LUZP2: variants seen among roughly 807,000 people sequenced by gnomAD.
LUZP2 encodes leucine zipper protein 2.
In LUZP2, 52 loss-of-function variants were observed where a neutral mutation model predicts 51.6. That is an observed-to-expected ratio of 1.01 (90% CI 0.81 to 1.27). The LOEUF is 1.27. Ranked by LOEUF, LUZP2 falls within the 50% of genes most tolerant of loss-of-function variation. LUZP2 has a pLI of 0.00. For missense variants in LUZP2, 436 were observed against 395.4 expected, an observed-to-expected ratio of 1.10 and a Z score of -0.87; for synonymous variants, 154 against 137.3, an observed-to-expected ratio of 1.12 and a Z score of -0.85.
intron 9 of LUZP2, among the ~76,000 whole-genome samples, chr11:24,990,871 C>A (rs1383618478): frequency 6.6e-6 from 1 of 151,974 alleles, no homozygotes; most frequent in Non-Finnish European, 1.5e-5. Context: ...TGAACTTCTA[C>A]CCCCCTTTCA....
At chr11:24,982,857 G>A (rs1265566788) in intron 8 of LUZP2, among the ~76,000 whole-genome samples, 1 of 151,754 alleles carries the variant, frequency 6.6e-6, no homozygotes, top group African/African-American at 2.4e-5. Flanking sequence ...AACTATCATG[G>A]TGGAAATCAT....
chr11:24,976,971 C>G (rs117581276), intron 8 of LUZP2, among the ~76,000 whole-genome samples: 1,924 of 151,786 alleles, frequency 0.013, 19 homozygotes, highest in Non-Finnish European at 0.018. Context: ...AAAGCATCAA[C>G]TAAGGCACTA....
chr11:24,700,211 A>ACCAC (rs1185656238), intron 1 of LUZP2, among the ~76,000 whole-genome samples: 1 of 151,858 alleles, frequency 6.6e-6, no homozygotes, highest in Non-Finnish European at 1.5e-5. Context: ...ACAGGCACAA[A>ACCAC]CCACCATTCC....
At chr11:24,729,741 T>C (rs1017298853) in intron 2 of LUZP2, among the ~76,000 whole-genome samples, 1 of 151,886 alleles carries the variant, frequency 6.6e-6, no homozygotes, top group Non-Finnish European at 1.5e-5. Context: ...CATACTGAAA[T>C]CTTTAAAAAA....
At chr11:24,717,409 G>GTT (rs869281553) in intron 1 of LUZP2, among the ~76,000 whole-genome samples, 85 of 134,614 alleles carry the variant, frequency 6.3e-4, no homozygotes, top group South Asian at 9.6e-4. Flanking sequence ...GAACCCAATA[G>GTT]TTTTTTTTTT....
At chr11:25,026,920 T>C (rs1206758605) in intron 9 of LUZP2, among the ~76,000 whole-genome samples, 6 of 151,554 alleles carry the variant, frequency 4.0e-5, no homozygotes, top group Non-Finnish European at 7.4e-5. Flanking sequence ...ACTTTAAGTT[T>C]TAAACCAGTA....
intron 5 of LUZP2, among the ~76,000 whole-genome samples, chr11:24,773,081 GTTTT>G (rs3078931): frequency 2.7e-5 from 4 of 145,594 alleles, no homozygotes; most frequent in African/African-American, 1.0e-4. Flanking sequence ...AAACAGTGTA[GTTTT>G]TTTTTTTTTT....
At chr11:24,963,016 C>G (rs1855463776) in intron 7 of LUZP2, among the ~76,000 whole-genome samples, 1 of 152,200 alleles carries the variant, frequency 6.6e-6, no homozygotes, top group Admixed American at 6.5e-5. Context: ...TTGGAGTTTG[C>G]TAGAGGTCCA....
intron 1 of LUZP2, among the ~76,000 whole-genome samples, chr11:24,532,827 T>C (rs1851052220): frequency 6.6e-6 from 1 of 151,074 alleles, no homozygotes; most frequent in African/African-American, 2.4e-5. Flanking sequence ...GTCATGCCTT[T>C]GAATTTTTAA....
At chr11:24,572,769 T>C (rs1852485080) in intron 1 of LUZP2, among the ~76,000 whole-genome samples, 2 of 152,038 alleles carry the variant, frequency 1.3e-5, no homozygotes, top group South Asian at 4.1e-4. Context: ...AAGGTCTAAT[T>C]GCTCATCCGC....
intron 5 of LUZP2, among the ~76,000 whole-genome samples, chr11:24,833,334 G>A (rs912163942): frequency 6.6e-6 from 1 of 152,032 alleles, no homozygotes; most frequent in Non-Finnish European, 1.5e-5. Context: ...AAAACAACTG[G>A]GATTGCTAAA....
At chr11:25,013,567 T>A (rs1203240869) in intron 9 of LUZP2, among the ~76,000 whole-genome samples, 1 of 152,092 alleles carries the variant, frequency 6.6e-6, no homozygotes, top group African/African-American at 2.4e-5. Flanking sequence ...TATGGCTTAT[T>A]TCCTTGTTTC....
intron 5 of LUZP2, among the ~76,000 whole-genome samples, chr11:24,764,351 G>A (rs1257386132): frequency 1.3e-5 from 2 of 151,630 alleles, no homozygotes; most frequent in African/African-American, 4.8e-5. Context: ...AACTAAGGAG[G>A]AAGTTCTTTC....
chr11:25,041,171 G>A (rs1401355109), intron 9 of LUZP2, among the ~76,000 whole-genome samples: 3 of 152,038 alleles, frequency 2.0e-5, no homozygotes, highest in African/African-American at 7.2e-5. Context: ...TATTTTCCAA[G>A]ACCTTGACTG....
chr11:24,871,095 A>G (rs963360310), intron 5 of LUZP2, among the ~76,000 whole-genome samples: 24 of 152,214 alleles, frequency 1.6e-4, no homozygotes, highest in East Asian at 7.7e-4. Context: ...AAAATATTCA[A>G]ATATTTCAAA....
At chr11:24,530,282 G>T (rs1850952140) in intron 1 of LUZP2, among the ~76,000 whole-genome samples, 1 of 150,678 alleles carries the variant, frequency 6.6e-6, no homozygotes, top group Non-Finnish European at 1.5e-5. Context: ...TTCAGTATTG[G>T]CATATTTGAC....
intron 5 of LUZP2, among the ~76,000 whole-genome samples, chr11:24,781,217 T>C (rs946205656): frequency 1.3e-5 from 2 of 152,138 alleles, no homozygotes; most frequent in African/African-American, 4.8e-5. Flanking sequence ...TACATAGGTA[T>C]ACATGTGCCA....
rs113100393 is a variant in LUZP2 at position 24,964,270 on chromosome 11, T to G, written c.523-12321T>G. ...GGCACATTTACCTGCTACATGCTGG[T>G]AATTACATAATGGTGGTGATTGTTT... On this transcript the variant is annotated intron_variant, in intron 7 of 11. Transcript: ENST00000336930. Among the ~76,000 whole-genome samples, 1,132 of 152,300 alleles carry G rather than the reference T, an allele frequency of 7.4e-3. 15 individuals carry two copies. Among genetic ancestry groups the G allele is most frequent in the African/African-American group, 0.023 (945 of 41,556 alleles).
chr11:25,035,540 A>C (rs921202355), intron 9 of LUZP2, among the ~76,000 whole-genome samples: 32 of 152,114 alleles, frequency 2.1e-4, no homozygotes, highest in Admixed American at 3.9e-4. Context: ...ACCAGGTATG[A>C]CACAAATAAA....
Sources: allele counts gnomAD v4.1 joint callset (sites outside exome capture counted in the v4.1 genomes callset), GRCh38; gene constraint gnomAD v4.1.1; transcripts MANE v1.5; gene names NCBI Gene and HGNC (gene_info 2026-07-23, HGNC 2026-07-21).